The following SYNDIG1 variants were observed in gnomAD, a reference collection of about 807,000 sequenced individuals.
The protein encoded by SYNDIG1 is synapse differentiation-inducing gene protein 1.
SYNDIG1 carries 9 observed loss-of-function variants against 19.4 expected under a neutral mutation model. That is an observed-to-expected ratio of 0.46 (90% confidence interval 0.28 to 0.81). The LOEUF is 0.81. Among genes scored for constraint, SYNDIG1 ranks in the 30% least tolerant of loss-of-function variants. The pLI is 0.12. For missense variants in SYNDIG1, 311 were observed against 343.3 expected, an observed-to-expected ratio of 0.91 and a Z score of 0.74; for synonymous variants, 141 against 145.9, an observed-to-expected ratio of 0.97 and a Z score of 0.24.
intron 1 of SYNDIG1, among the ~76,000 whole-genome samples, chr20:24,513,080 G>A (rs931139680): frequency 4.6e-5 from 7 of 152,188 alleles, no homozygotes; most frequent in Non-Finnish European, 5.9e-5. Context: ...CTGTTAGAAG[G>A]AAAACTAATA....
At chr20:24,616,900 G>A (rs543142884) in intron 3 of SYNDIG1, among the ~76,000 whole-genome samples, 17 of 152,310 alleles carry the variant, frequency 1.1e-4, no homozygotes, top group African/African-American at 3.8e-4. Flanking sequence ...GGACCAAGGC[G>A]CCATCCTTGT....
intron 2 of SYNDIG1, among the ~76,000 whole-genome samples, chr20:24,546,463 A>G (rs1016939205): frequency 3.3e-5 from 5 of 152,208 alleles, no homozygotes; most frequent in Non-Finnish European, 5.9e-5. Flanking sequence ...TCACTTGTCC[A>G]TAGCTAGCTG....
chr20:24,567,721 A>C lies in SYNDIG1; in HGVS notation c.481-17135A>C, dbSNP rs544787791. ...GGCATCTGCCTACTGCCTCCCTGAA[A>C]ACTCAGGAGGCTCCTTCCAGGATGG... is the stretch of plus-strand genomic sequence containing the variant. On this transcript the variant is annotated intron_variant, in intron 2 of 3. Coordinates refer to ENST00000376862, the MANE Select transcript of SYNDIG1 (RefSeq NM_024893.3). Among the ~76,000 whole-genome samples, 20 of 152,226 alleles carry C rather than the reference A, an allele frequency of 1.3e-4. 1 individual carries two copies. Among genetic ancestry groups the C allele is most frequent in the African/African-American group, 4.8e-4 (20 of 41,560 alleles).
At chr20:24,551,326 G>A (rs1372600898) in intron 2 of SYNDIG1, among the ~76,000 whole-genome samples, 2 of 152,046 alleles carry the variant, frequency 1.3e-5, no homozygotes, top group Non-Finnish European at 2.9e-5. Context: ...TGTATGGTTG[G>A]TAATATTTAC....
At position 24,658,353 on chromosome 20, in the gene SYNDIG1, G is replaced by T. The variant is rs977405962; in HGVS notation, c.619-6993G>T. 2.0e-5 allele frequency among the ~76,000 whole-genome samples: 3 copies of T among 152,010 alleles called. No individual in the cohort carries two copies. Among genetic ancestry groups the T allele is most frequent in the Non-Finnish European group, 4.4e-5 (3 of 67,988 alleles). ...CAGGGGACTGGAGCTCGGTGGAGTG[G>T]ACTCTGCCTCGGGGTCACTGAGAAC... On this transcript the variant is annotated intron_variant, in intron 3 of 3. Coordinates refer to ENST00000376862, the MANE Select transcript of SYNDIG1 (RefSeq NM_024893.3). The surrounding 1 kb of genome is among the most constrained non-coding windows in gnomAD (Gnocchi z 4.4).
intron 3 of SYNDIG1, among the ~76,000 whole-genome samples, chr20:24,626,753 G>A (rs767939402): frequency 3.9e-3 from 601 of 152,226 alleles, no homozygotes; most frequent in Non-Finnish European, 5.8e-3. Context: ...GTAGCGAGCC[G>A]AGATCACGCC....
intron 3 of SYNDIG1, among the ~76,000 whole-genome samples, chr20:24,656,711 G>A (rs1026967428): frequency 2.6e-5 from 4 of 152,190 alleles, no homozygotes; most frequent in African/African-American, 4.8e-5. Flanking sequence ...TGAGCTCTGC[G>A]TGCTCGCACT....
At chr20:24,592,828 G>C (rs1033791703) in intron 3 of SYNDIG1, among the ~76,000 whole-genome samples, 1 of 152,076 alleles carries the variant, frequency 6.6e-6, no homozygotes, top group Non-Finnish European at 1.5e-5. Flanking sequence ...TTCCAGGCTG[G>C]TCTCAAACTC....
intron 3 of SYNDIG1, among the ~76,000 whole-genome samples, chr20:24,624,205 G>A (rs1207621858): frequency 3.5e-5 from 5 of 143,142 alleles, no homozygotes; most frequent in Non-Finnish European, 4.5e-5. Context: ...GCAATGAGCC[G>A]AGATCCTGCC....
chr20:24,643,095 A>G (rs1314536317), intron 3 of SYNDIG1, among the ~76,000 whole-genome samples: 2 of 152,036 alleles, frequency 1.3e-5, no homozygotes, highest in African/African-American at 4.8e-5. Flanking sequence ...ATATATATCC[A>G]TCTGTATCTG....
chr20:24,570,158 T>C (rs1449157810), intron 2 of SYNDIG1, among the ~76,000 whole-genome samples: 1 of 152,236 alleles, frequency 6.6e-6, no homozygotes, highest in Non-Finnish European at 1.5e-5. Context: ...TCTGAAAATA[T>C]ATGGGCCATC....
At chr20:24,624,944 A>G (rs1255703704) in intron 3 of SYNDIG1, among the ~76,000 whole-genome samples, 2 of 152,230 alleles carry the variant, frequency 1.3e-5, no homozygotes, top group East Asian at 1.9e-4. Context: ...ACCCTTCTCA[A>G]TAACCCATGG....
intron 1 of SYNDIG1, among the ~76,000 whole-genome samples, chr20:24,503,142 TC>T (rs937347419): frequency 3.3e-5 from 5 of 152,184 alleles, no homozygotes; most frequent in Non-Finnish European, 7.3e-5. Context: ...TTCTTCTCAT[TC>T]CTTCTTCTCT....
chr20:24,578,513 G>T (rs182312842), intron 2 of SYNDIG1, among the ~76,000 whole-genome samples: 26 of 152,230 alleles, frequency 1.7e-4, no homozygotes, highest in African/African-American at 6.3e-4. Flanking sequence ...AGACAAATCG[G>T]TATCACGTGA....
chr20:24,651,081 A>ATCTGCC (rs2059468321), intron 3 of SYNDIG1, among the ~76,000 whole-genome samples: 1 of 152,130 alleles, frequency 6.6e-6, no homozygotes, highest in Non-Finnish European at 1.5e-5. Flanking sequence ...CAGGCAATCC[A>ATCTGCC]TCTGCCTCTG....
In SYNDIG1 at chr20:24,658,470, G is replaced by A. The variant is rs370581091; in HGVS notation, c.619-6876G>A. ...CCTGAAGTGGACAGGCGCTCTGGCC[G>A]TACCCTGGGGGGTGAAAGCCCTTCC... On this transcript the variant is annotated intron_variant, in intron 3 of 3. Coordinates refer to ENST00000376862, the MANE Select transcript of SYNDIG1 (RefSeq NM_024893.3). The surrounding 1 kb of genome is among the most constrained non-coding windows in gnomAD (Gnocchi z 4.4). Among the ~76,000 whole-genome samples, 12 of 152,130 alleles carry A rather than the reference G, an allele frequency of 7.9e-5. No individual in the cohort carries two copies. Among genetic ancestry groups the A allele is most frequent in the Admixed American group, 2.0e-4 (3 of 15,268 alleles).
chr20:24,507,816 C>T (rs2056633128), intron 1 of SYNDIG1, among the ~76,000 whole-genome samples: 1 of 152,228 alleles, frequency 6.6e-6, no homozygotes, highest in African/African-American at 2.4e-5. Flanking sequence ...CCAGGACATG[C>T]TAATGGGTAC....
intron 2 of SYNDIG1, among the ~76,000 whole-genome samples, chr20:24,566,365 G>A (rs908028664): frequency 6.6e-6 from 1 of 152,212 alleles, no homozygotes; most frequent in Non-Finnish European, 1.5e-5. Context: ...AACTATCAGA[G>A]AAGTTTGAAA....
rs1447886912 is a variant in SYNDIG1 at position 24,474,439 on chromosome 20, C to G, written c.-79+4686C>G. ...AATAACAGAACCAGGAAACATTAAACACAGGTAGAAAATAATAAAAATAAA... is the reference window on the plus strand; with the variant it reads ...AATAACAGAACCAGGAAACATTAAAGACAGGTAGAAAATAATAAAAATAAA... On this transcript the variant is annotated intron_variant, in intron 1 of 3. Transcript: ENST00000376862. Among the ~76,000 whole-genome samples the G allele has an allele frequency of 2.0e-5, 3 of 152,120 alleles. No individual in the cohort carries two copies. In the East Asian group the frequency reaches 5.8e-4, roughly 29 times the overall value.
Sources: gnomAD v4.1 joint callset for allele counts (sites outside exome capture counted in the v4.1 genomes callset) on GRCh38, gnomAD v4.1.1 for gene constraint, Gnocchi (gnomAD v3.1) non-coding constraint, MANE v1.5 for transcripts, NCBI Gene and HGNC (gene_info 2026-07-23, HGNC 2026-07-21) for gene names.